ATP6V0A1: variants seen among roughly 807,000 people sequenced by gnomAD.
ATP6V0A1 encodes ATPase H+ transporting V0 subunit a1.
Under a neutral mutation model 105.4 loss-of-function variants are expected in ATP6V0A1, and 43 were observed. The ratio of observed to expected loss-of-function variants is 0.41; its 90% CI spans 0.32 to 0.53. The LOEUF (loss-of-function observed/expected upper bound fraction) is 0.53. Ranked by LOEUF, ATP6V0A1 falls within the 20% of genes least tolerant of loss-of-function variation. The probability of loss-of-function intolerance (pLI) is 0.30; values close to 1 mark genes in which losing one functional copy is unlikely to be tolerated. For synonymous variants in ATP6V0A1, 362 were observed against 372.8 expected (o/e 0.97, Z 0.33); for missense variants, 676 against 1,051.1 (o/e 0.64, Z 4.93).
chr17:42,470,465 G>A lies in ATP6V0A1; in HGVS notation c.423+247G>A, dbSNP rs1450633603. ...TCAATATGAGGAAAAGAACCCTGAA[G>A]TAGTTGTATAAACATAGTTAGTATA... On this transcript the variant is annotated intron_variant, in intron 5 of 21. Coordinates refer to ENST00000343619, the MANE Select transcript of ATP6V0A1 (RefSeq NM_001130021.3). 1.0e-5 allele frequency: 4 copies of A among 384,710 alleles called. No homozygotes were observed. In the East Asian group the frequency reaches 2.2e-4, roughly 21 times the overall value. 23.8% of individuals were successfully genotyped at this position (384,710 alleles called of 1,614,324 possible). A position where few individuals can be genotyped will look rare whatever the true frequency, so the allele number is the denominator to read the frequency against.
chr17:42,478,448 C>T lies in ATP6V0A1; in HGVS notation c.507-15C>T, dbSNP rs200709725. 6.3e-7 allele frequency: 1 copy of T among 1,576,144 alleles called. No individual in the cohort carries two copies. Among genetic ancestry groups the T allele is most frequent in the South Asian group, 1.2e-5 (1 of 86,802 alleles). On this transcript the variant is annotated splice_polypyrimidine_tract_variant and intron_variant, in intron 6 of 21. Coordinates refer to ENST00000343619, the MANE Select transcript of ATP6V0A1 (RefSeq NM_001130021.3). ...ACATGGAATAGAGTTTCCAATCTGC[C>T]TCTTCTCCCCACAGCTTCGTGGCTG...
At chr17:42,498,686 C>T (rs868769811) in intron 14 of ATP6V0A1, among the ~76,000 whole-genome samples, 4 of 152,000 alleles carry the variant, frequency 2.6e-5, no homozygotes, top group African/African-American at 9.7e-5. Context: ...AATAGCTGGG[C>T]GTGGTGGCAG....
intron 17 of ATP6V0A1, among the ~76,000 whole-genome samples, chr17:42,503,655 C>T (rs770820447): frequency 2.0e-5 from 3 of 152,164 alleles, no homozygotes; most frequent in East Asian, 1.9e-4. Context: ...GTAGTGATTA[C>T]GCATTACTTC....
Position 42,508,556 on chromosome 17 carries a change from A to C in ATP6V0A1, c.2113-16A>C, listed in dbSNP as rs1050645115. 1.9e-6 allele frequency: 3 copies of C among 1,613,858 alleles called. No individual in the cohort carries two copies. Among genetic ancestry groups the C allele is most frequent in the Non-Finnish European group, 2.5e-6 (3 of 1,179,870 alleles). Reference sequence around the variant, plus strand: ...GTGGCGTGGCTCCCCACTAAGTGTAAATTTGTGTTTTCAAGCCTTCCGAGG... The same window carrying C: ...GTGGCGTGGCTCCCCACTAAGTGTACATTTGTGTTTTCAAGCCTTCCGAGG... On this transcript the variant is annotated splice_polypyrimidine_tract_variant and intron_variant, in intron 18 of 21. Coordinates refer to ENST00000343619, the MANE Select transcript of ATP6V0A1 (RefSeq NM_001130021.3).
At chr17:42,505,291 C>T (rs768899144) in intron 17 of ATP6V0A1, among the ~76,000 whole-genome samples, 14 of 152,180 alleles carry the variant, frequency 9.2e-5, no homozygotes, top group East Asian at 1.9e-4. Context: ...CTACAACCTC[C>T]GCCTCCCCAG....
rs562325041 is a variant in ATP6V0A1, at chr17:42,483,143, G to A, written c.810+12G>A. On this transcript the variant is annotated intron_variant, in intron 9 of 21. Coordinates refer to ENST00000343619, the MANE Select transcript of ATP6V0A1 (RefSeq NM_001130021.3). ...ATGATCTCCAAATGGTATGCAGAAG[G>A]CTGGAGGGAATTTGTTTTTGTGAAA... 8 of 1,479,240 alleles carry A rather than the reference G, an allele frequency of 5.4e-6. No homozygotes were observed. In the South Asian group the frequency reaches 1.2e-4, roughly 21 times the overall value. 91.6% of individuals were successfully genotyped at this position (1,479,240 alleles called of 1,614,324 possible).
At chr17:42,498,697 G>A (rs1036504485) in intron 14 of ATP6V0A1, among the ~76,000 whole-genome samples, 26 of 152,006 alleles carry the variant, frequency 1.7e-4, no homozygotes, top group African/African-American at 6.0e-4. Context: ...GTGGTGGCAG[G>A]CACCTGTAGT....
chr17:42,485,296 A>G (rs1018070089), intron 9 of ATP6V0A1, among the ~76,000 whole-genome samples: 1 of 152,174 alleles, frequency 6.6e-6, no homozygotes, highest in Non-Finnish European at 1.5e-5. Flanking sequence ...CTATATTAGT[A>G]TATTCTGGGT....
intron 17 of ATP6V0A1, among the ~76,000 whole-genome samples, chr17:42,502,045 C>A (rs921992944): frequency 1.8e-4 from 27 of 151,982 alleles, no homozygotes; most frequent in Middle Eastern, 3.2e-3. Context: ...AAACAAAAAA[C>A]CAAACAAACA....
At chr17:42,520,215 T>C (rs2092782494) in intron 21 of ATP6V0A1, 1 of 350,408 alleles carries the variant, frequency 2.9e-6, no homozygotes, top group South Asian at 2.2e-5. Flanking sequence ...TTGGCCTTTT[T>C]ATCCCCTGAA....
chr17:42,462,339 G>T (rs2145611224), intron 2 of ATP6V0A1, among the ~76,000 whole-genome samples: 1 of 152,170 alleles, frequency 6.6e-6, no homozygotes, highest in Non-Finnish European at 1.5e-5. Flanking sequence ...CTCCATGCCA[G>T]TCCTTTCTTC....
chr17:42,495,516 T>C, intron 13 of ATP6V0A1, 110 bp from the exon 14 acceptor site: 2 of 839,986 alleles, frequency 2.4e-6, no homozygotes. Flanking sequence ...CCTCCCATTT[T>C]ATTGAAGAGA....
chr17:42,504,957 G>A (rs1329994679), intron 17 of ATP6V0A1, among the ~76,000 whole-genome samples: 1 of 152,014 alleles, frequency 6.6e-6, no homozygotes, highest in East Asian at 1.9e-4. Context: ...GTTTTAAACT[G>A]TGGCACTGTT....
At position 42,521,329 on chromosome 17, in the gene ATP6V0A1, A is replaced by G. The variant is rs2092828403; in HGVS notation, c.*209A>G. The G allele has an allele frequency of 5.1e-6, 2 of 393,776 alleles. No homozygotes were observed. Among genetic ancestry groups the G allele is most frequent in the Non-Finnish European group, 9.1e-6 (2 of 220,938 alleles). The allele number at this position is 393,776 out of a possible 1,614,324, so 24.4% of individuals were successfully genotyped here. On this transcript the variant is annotated 3_prime_UTR_variant, in exon 22 of 22. Coordinates refer to ENST00000343619, the MANE Select transcript of ATP6V0A1 (RefSeq NM_001130021.3). This position sits in a 1 kb window ranked among gnomAD's most constrained non-coding sequence, Gnocchi z 4.8. The stretch of plus-strand genomic sequence containing the variant: ...TGTAGTGATTTTCTGGCTGTCACTC[A>G]TACTCACTGGGCACCAGCCTTGCCC...
In ATP6V0A1 at chr17:42,475,935, G is replaced by T. The variant is rs1409320649; in HGVS notation, c.424-1725G>T. On this transcript the variant is annotated intron_variant, in intron 5 of 21. Coordinates refer to ENST00000343619, the MANE Select transcript of ATP6V0A1 (RefSeq NM_001130021.3). ...TGCTTTTCCATCAGTTAGAGCACAT[G>T]TGTTTGCATTGAGTCCGATATTTAG... Among the ~76,000 whole-genome samples, 6 of 152,194 alleles carry T rather than the reference G, an allele frequency of 3.9e-5. No homozygotes were observed. In the East Asian group the frequency reaches 1.2e-3, roughly 29 times the overall value.
At chr17:42,497,477 C>T (rs2091289047) in intron 14 of ATP6V0A1, among the ~76,000 whole-genome samples, 2 of 150,870 alleles carry the variant, frequency 1.3e-5, no homozygotes, top group African/African-American at 4.9e-5. Context: ...TCAAGACCTG[C>T]CTGGCCAAGA....
chr17:42,508,797 CTT>C (rs555501649), intron 19 of ATP6V0A1, among the ~76,000 whole-genome samples: 4 of 152,202 alleles, frequency 2.6e-5, no homozygotes, highest in Admixed American at 6.5e-5. Context: ...TCACCTCTGT[CTT>C]TGTTTCATTG....
intron 9 of ATP6V0A1, among the ~76,000 whole-genome samples, chr17:42,483,901 A>G (rs2089821519): frequency 1.3e-5 from 2 of 152,066 alleles, no homozygotes; most frequent in African/African-American, 2.4e-5. Context: ...TATTTTTAGT[A>G]GAGATGGGGT....
In ATP6V0A1 at chr17:42,470,083, C is replaced by A; in HGVS notation, c.295-7C>A. 3.8e-6 allele frequency: 6 copies of A among 1,593,768 alleles called. No individual in the cohort carries two copies. In the South Asian group the frequency reaches 6.8e-5, roughly 18 times the overall value. ...CTTAGCTTAATATATTTTCTTATTT[C>A]ATCTAGGCCAATTTTGAGAAGATTG... On this transcript the variant is annotated splice_region_variant and splice_polypyrimidine_tract_variant and intron_variant, in intron 4 of 21. Transcript: ENST00000343619.
Sources: allele counts gnomAD v4.1 joint callset (sites outside exome capture counted in the v4.1 genomes callset), GRCh38; gene constraint gnomAD v4.1.1; non-coding constraint Gnocchi (gnomAD v3.1); transcripts MANE v1.5; gene names NCBI Gene and HGNC (gene_info 2026-07-23, HGNC 2026-07-21).